Variants in GLI3 observed in about 807,000 individuals in gnomAD.
GLI3 encodes GLI family zinc finger 3, also known as transcription activator GLI3.
A neutral mutation model predicts 100.8 loss-of-function variants in GLI3; 20 were observed. That is an observed-to-expected ratio of 0.20 (90% CI 0.14 to 0.29). GLI3 has a LOEUF of 0.29. Among genes scored for constraint, GLI3 ranks in the 10% least tolerant of loss-of-function variants. The pLI is 1.00. For synonymous variants in GLI3, 938 were observed against 860.5 expected (o/e 1.09, Z -1.58); for missense variants, 2,040 against 2,128.5 (o/e 0.96, Z 0.82).
At chr7:41,974,484 A>G (rs1787455100) in intron 12 of GLI3, among the ~76,000 whole-genome samples, 1 of 152,248 alleles carries the variant, frequency 6.6e-6, no homozygotes, top group Admixed American at 6.5e-5. Flanking sequence ...ATGTTCTCAG[A>G]CTTACTGAAG....
chr7:42,200,346 A>C (rs1485081551), intron 2 of GLI3, among the ~76,000 whole-genome samples: 62 of 152,238 alleles, frequency 4.1e-4, no homozygotes, highest in Admixed American at 4.1e-3. Context: ...GAACATTCAA[A>C]GCCAACTCAG....
intron 3 of GLI3, among the ~76,000 whole-genome samples, chr7:42,093,436 C>T (rs1399428082): frequency 1.3e-5 from 2 of 150,714 alleles, no homozygotes; most frequent in Non-Finnish European, 3.0e-5. Context: ...CACATATACT[C>T]ACCACCACTG....
At chr7:42,156,333 G>A (rs954429533) in intron 2 of GLI3, among the ~76,000 whole-genome samples, 3 of 152,196 alleles carry the variant, frequency 2.0e-5, no homozygotes, top group African/African-American at 4.8e-5. Context: ...CTTACACAGA[G>A]TGAGTTAATT....
chr7:41,998,140 A>G (rs1490164409), intron 10 of GLI3, among the ~76,000 whole-genome samples: 31 of 152,174 alleles, frequency 2.0e-4, no homozygotes, highest in Non-Finnish European at 5.9e-5. Flanking sequence ...AAGAGGCGGT[A>G]AAGGATGGAA....
intron 2 of GLI3, among the ~76,000 whole-genome samples, chr7:42,160,117 T>C (rs1787097934): frequency 6.6e-6 from 1 of 152,154 alleles, no homozygotes; most frequent in African/African-American, 2.4e-5. Context: ...TCTTACTTCA[T>C]AGGGTATTGT....
chr7:42,206,437 C>T (rs567049789), intron 2 of GLI3, among the ~76,000 whole-genome samples: 39 of 149,816 alleles, frequency 2.6e-4, no homozygotes, highest in African/African-American at 7.9e-4. Context: ...TTCTCTTTAA[C>T]GAAATAAGAT....
At chr7:41,997,437 G>A (rs998348157) in intron 10 of GLI3, among the ~76,000 whole-genome samples, 2 of 152,180 alleles carry the variant, frequency 1.3e-5, no homozygotes, top group East Asian at 1.9e-4. Flanking sequence ...TAAAGTGAAC[G>A]CTACTGACAA....
At chr7:42,126,187 G>C (rs1786125771) in intron 3 of GLI3, among the ~76,000 whole-genome samples, 1 of 152,226 alleles carries the variant, frequency 6.6e-6, no homozygotes, top group Admixed American at 6.5e-5. Context: ...CATACCAGGA[G>C]AAAGGGTAGT....
chr7:42,062,514 T>C (rs1328540552), intron 4 of GLI3, among the ~76,000 whole-genome samples: 1 of 152,126 alleles, frequency 6.6e-6, no homozygotes, highest in Non-Finnish European at 1.5e-5. Context: ...TAGAAGAAAG[T>C]GGGACCACGT....
At chr7:42,032,995 G>A (rs1397930333) in intron 7 of GLI3, among the ~76,000 whole-genome samples, 1 of 152,090 alleles carries the variant, frequency 6.6e-6, no homozygotes, top group Non-Finnish European at 1.5e-5. Flanking sequence ...CGATATATGT[G>A]GGGAAAGGGC....
intron 2 of GLI3, chr7:42,172,466 C>G: frequency 1.5e-6 from 1 of 650,348 alleles, no homozygotes; most frequent in Non-Finnish European, 2.8e-6. Context: ...CTTTTTTACA[C>G]TAAAAAGTGT....
intron 1 of GLI3, among the ~76,000 whole-genome samples, chr7:42,228,199 G>C (rs1032937000): frequency 6.6e-6 from 1 of 152,134 alleles, no homozygotes; most frequent in Non-Finnish European, 1.5e-5. Context: ...GAGTTCTCCC[G>C]GCCCCGGCGC....
intron 2 of GLI3, 50 bp from the exon 3 acceptor site, chr7:42,148,518 A>C: frequency 6.4e-7 from 1 of 1,553,230 alleles, no homozygotes; most frequent in South Asian, 1.1e-5. Flanking sequence ...TTAAGGAGCA[A>C]TTAAAAAACC....
chr7:42,063,435 G>A (rs1309975928), intron 4 of GLI3, among the ~76,000 whole-genome samples: 2 of 152,094 alleles, frequency 1.3e-5, no homozygotes, highest in African/African-American at 2.4e-5. Context: ...TATTAAAAGA[G>A]CTCTTTTAGA....
chr7:42,236,746 C>T (rs1041489842), intron 1 of GLI3, among the ~76,000 whole-genome samples: 2 of 152,196 alleles, frequency 1.3e-5, no homozygotes, highest in African/African-American at 4.8e-5. Flanking sequence ...TCCGGCCGGT[C>T]CGCGGGTCGG....
At position 41,965,066 on chromosome 7, in the gene GLI3, C is replaced by G; in HGVS notation, c.4007G>C (p.Gly1336Ala). 6.2e-7 allele frequency: 1 copy of G among 1,613,834 alleles called. No homozygotes were observed. The highest frequency in any genetic ancestry group is 8.5e-7 in the Non-Finnish European group (1 of 1,180,018). ...QLLGDSMQHP[G>A]AGRPGQQMLG... ...CATCTGCTGACCGGGGCGGCCTGCC[C>G]CCGGGTGCTGCATGCTGTCGCCGAG... The change falls in exon 15 of 15, where the codon GGG becomes GCG. Residue 1336 changes from glycine to alanine, a missense_variant. Physicochemically the swap from Gly to Ala is moderately conservative, Grantham distance 60. Transcript: ENST00000395925.
At chr7:42,221,175 T>A (rs1482130351) in intron 2 of GLI3, among the ~76,000 whole-genome samples, 2 of 152,210 alleles carry the variant, frequency 1.3e-5, no homozygotes, top group Non-Finnish European at 2.9e-5. Context: ...AGATTAGTTC[T>A]GTTCCCAATC....
intron 2 of GLI3, among the ~76,000 whole-genome samples, chr7:42,208,519 A>T (rs532873749): frequency 6.6e-6 from 1 of 152,328 alleles, no homozygotes; most frequent in South Asian, 2.1e-4. Flanking sequence ...GTAAATGCCA[A>T]TCTGAAAGAA....
At chr7:42,194,012 T>C (rs1456436176) in intron 2 of GLI3, among the ~76,000 whole-genome samples, 1 of 152,226 alleles carries the variant, frequency 6.6e-6, no homozygotes, top group Non-Finnish European at 1.5e-5. Context: ...TAAGTCAGTA[T>C]GTACATTTCC....
Sources: gnomAD v4.1 joint callset for allele counts (sites outside exome capture counted in the v4.1 genomes callset) on GRCh38, gnomAD v4.1.1 for gene constraint, MANE v1.5 for transcripts, NCBI Gene and HGNC (gene_info 2026-07-23, HGNC 2026-07-21) for gene names.